USP34: variants seen among roughly 807,000 people sequenced by gnomAD.
USP34 encodes ubiquitin carboxyl-terminal hydrolase 34.
Under a neutral mutation model 460.3 loss-of-function variants are expected in USP34, and 70 were observed. The ratio of observed to expected loss-of-function variants is 0.15; its 90% CI spans 0.13 to 0.19. The LOEUF (loss-of-function observed/expected upper bound fraction) is 0.19. USP34 is among the 10% of genes least tolerant of loss of function. USP34 has a pLI of 1.00. For synonymous variants in USP34, 1,647 were observed against 1,405.3 expected, an observed-to-expected ratio of 1.17 and a Z score of -3.85; for missense variants, 3,985 against 4,236.2, an observed-to-expected ratio of 0.94 and a Z score of 1.65.
intron 51 of USP34, among the ~76,000 whole-genome samples, chr2:61,242,716 C>A (rs537079022): frequency 6.6e-6 from 1 of 152,108 alleles, no homozygotes; most frequent in African/African-American, 2.4e-5. Flanking sequence ...GAGGATTCTA[C>A]TGGTAATGCT....
At chr2:61,255,889 C>A (rs1339085828) in intron 48 of USP34, among the ~76,000 whole-genome samples, 1 of 152,112 alleles carries the variant, frequency 6.6e-6, no homozygotes, top group East Asian at 1.9e-4. Context: ...AATAATGGCC[C>A]CAAAGGGCAA....
chr2:61,332,872 T>C (rs757627597), intron 19 of USP34, among the ~76,000 whole-genome samples: 1 of 151,996 alleles, frequency 6.6e-6, no homozygotes, highest in Non-Finnish European at 1.5e-5. Context: ...AAAGAACAAT[T>C]AGAAGCAAGG....
chr2:61,253,604 A>G (rs1288030634), intron 48 of USP34, among the ~76,000 whole-genome samples: 1 of 152,156 alleles, frequency 6.6e-6, no homozygotes, highest in Non-Finnish European at 1.5e-5. Flanking sequence ...CTCTTAAGCA[A>G]TTTTAGTATC....
At chr2:61,252,584 A>G (rs546124055) in intron 48 of USP34, among the ~76,000 whole-genome samples, 1 of 152,276 alleles carries the variant, frequency 6.6e-6, no homozygotes, top group Admixed American at 6.5e-5. Flanking sequence ...TAAACCAAGA[A>G]CACAGTCAAA....
Position 61,405,833 on chromosome 2 carries a change from A to T in USP34, c.427T>A (p.Ser143Thr), listed in dbSNP as rs953202509. ...NLTEEESSKSSDPFSLWSTDE... is the reference protein window; with the variant it reads ...NLTEEESSKSTDPFSLWSTDE... ...GTACTCCATAAACTAAAAGGATCAG[A>T]ACTCTTTGAAGATTCCTCCTCAGTC... Residue 143 changes from serine (S) to threonine (T), a missense_variant, in exon 3 of 80, where the codon TCT (serine) becomes ACT (threonine). Physicochemically the swap from Ser to Thr is moderately conservative, Grantham distance 58. This residue lies in a region of USP34 where 331 missense variants were observed against 293.7 expected (regional missense o/e 1.13). Transcript: ENST00000398571. 37 of 1,613,752 alleles carry T rather than the reference A, an allele frequency of 2.3e-5. No homozygotes were observed. The highest frequency in any genetic ancestry group is 3.1e-5 in the Non-Finnish European group (36 of 1,179,954).
At chr2:61,209,888 A>T (rs1356222917) in intron 69 of USP34, among the ~76,000 whole-genome samples, 1 of 152,196 alleles carries the variant, frequency 6.6e-6, no homozygotes, top group African/African-American at 2.4e-5. Flanking sequence ...CAACCCTGCT[A>T]GGCCTAGCCT....
chr2:61,198,076 ATAATAT>A (rs1686859929), intron 75 of USP34, among the ~76,000 whole-genome samples: 1 of 152,182 alleles, frequency 6.6e-6, no homozygotes, highest in South Asian at 2.1e-4. Context: ...CCAGTTTTCC[ATAATAT>A]TAAAATAACT....
At position 61,188,660 on chromosome 2, in the gene USP34, C is replaced by G; in HGVS notation, c.10083G>C (p.Glu3361Asp). ...TGATGCAGCTGTCTACAGTGTGCTC[C>G]TCATCACTGCTAACACGCCGCCTTT... is the stretch of plus-strand genomic sequence containing the variant. ...PIKRRRVSSD[E>D]EHTVDSCISD... Residue 3361 changes from glutamate to aspartate, a missense_variant, in exon 80 of 80, where the codon GAG becomes GAC. Glu to Asp is a conservative substitution (Grantham distance 45). Coordinates refer to ENST00000398571, the MANE Select transcript of USP34 (RefSeq NM_014709.4). 1 of 1,614,150 alleles carries G rather than the reference C, an allele frequency of 6.2e-7. No homozygotes were observed. Among genetic ancestry groups the G allele is most frequent in the South Asian group, 1.1e-5 (1 of 91,076 alleles).
intron 8 of USP34, among the ~76,000 whole-genome samples, chr2:61,375,698 G>A (rs757973579): frequency 6.7e-6 from 1 of 148,582 alleles, no homozygotes; most frequent in Non-Finnish European, 1.5e-5. Flanking sequence ...GAATCTGGGA[G>A]GCGGAGCTTG....
chr2:61,376,752 A>G (rs1486501481), intron 8 of USP34, among the ~76,000 whole-genome samples: 1 of 151,992 alleles, frequency 6.6e-6, no homozygotes, highest in African/African-American at 2.4e-5. Context: ...GGTTTAAGTG[A>G]TTCTCGTGCC....
chr2:61,287,533 G>T (rs997691267), intron 34 of USP34, among the ~76,000 whole-genome samples: 4 of 152,184 alleles, frequency 2.6e-5, no homozygotes, highest in African/African-American at 9.7e-5. Context: ...TCCTAAGGCA[G>T]CAAGGCCAAC....
At chr2:61,189,332 G>C (rs567325816) in intron 78 of USP34, 69 of 284,052 alleles carry the variant, frequency 2.4e-4, no homozygotes, top group African/African-American at 1.5e-3. Context: ...GAGTGCAGTG[G>C]TGTAATCTCG....
In USP34 at chr2:61,188,036, A is replaced by T; in HGVS notation, c.*66T>A. 1 of 1,535,866 alleles carries T rather than the reference A, an allele frequency of 6.5e-7. No homozygotes were observed. Among genetic ancestry groups the T allele is most frequent in the Admixed American group, 2.1e-5 (1 of 46,954 alleles). ...ACTGAAGCACAAAAACAAATAAGCA[A>T]AACTTATACAAACAGCATGGGGGTT... On this transcript the variant is annotated 3_prime_UTR_variant, in exon 80 of 80. Transcript: ENST00000398571.
In USP34 at chr2:61,211,733, C is replaced by T. The variant is rs375983154; in HGVS notation, c.8840+39G>A. ...CATCAAAAGGATGGTCCTCATCTCA[C>T]TGGAAATAAACAAGACAAAACTAAA... On this transcript the variant is annotated intron_variant, in intron 69 of 79. Transcript: ENST00000398571. 7 of 1,519,252 alleles carry T rather than the reference C, an allele frequency of 4.6e-6. No homozygotes were observed. In the South Asian group the frequency reaches 9.2e-5, roughly 20 times the overall value. The allele number at this position is 1,519,252 out of a possible 1,614,324, so 94.1% of individuals were successfully genotyped here.
In USP34 at chr2:61,278,188, A is replaced by G. The variant is rs1689430253; in HGVS notation, c.5410T>C (p.Phe1804Leu). ...ACCTGTCCTTCCCTTGAAAATTTAA[A>G]GGGTGGTTTGTGTTTAACAACACTT... Reference protein sequence around the residue: ...ATSVVKHKPPFKFSREGQEFL... With the variant: ...ATSVVKHKPPLKFSREGQEFL... Residue 1804 changes from phenylalanine to leucine, a missense_variant, in exon 41 of 80, where the codon TTT (phenylalanine) becomes CTT (leucine). Coordinates refer to ENST00000398571, the MANE Select transcript of USP34 (RefSeq NM_014709.4). The G allele has an allele frequency of 6.2e-7, 1 of 1,613,186 alleles. No homozygotes were observed. The highest frequency in any genetic ancestry group is 1.3e-5 in the African/African-American group (1 of 74,930).
chr2:61,348,200 C>T lies in USP34; in HGVS notation c.1955G>A (p.Gly652Asp). The T allele has an allele frequency of 6.2e-7, 1 of 1,614,230 alleles. No homozygotes were observed. The highest frequency in any genetic ancestry group is 1.7e-5 in the Admixed American group (1 of 60,028). Residue 652 changes from glycine to aspartate, a missense_variant, in exon 15 of 80, where the codon GGC becomes GAC. Transcript: ENST00000398571. Reference protein sequence around the residue: ...LRNRKLESQAGICLGDSQGMS... With the variant: ...LRNRKLESQADICLGDSQGMS... ...GCCTTGGGAGTCCCCCAGGCAAATG[C>T]CTGCTTGACTCTCTAACTTTCTATT... is the stretch of plus-strand genomic sequence containing the variant.
intron 49 of USP34, among the ~76,000 whole-genome samples, chr2:61,248,081 G>T (rs902828381): frequency 1.1e-4 from 16 of 151,582 alleles, no homozygotes; most frequent in African/African-American, 3.9e-4. Flanking sequence ...CAGCTTCTTG[G>T]GAGGCTGAGG....
chr2:61,435,269 A>G (rs1694779566), intron 1 of USP34, among the ~76,000 whole-genome samples: 1 of 136,644 alleles, frequency 7.3e-6, no homozygotes, highest in African/African-American at 2.7e-5. Flanking sequence ...GCGCCACTGT[A>G]TTCTATCTAG....
chr2:61,191,652 T>A (rs1265371265), intron 76 of USP34, among the ~76,000 whole-genome samples: 1 of 152,012 alleles, frequency 6.6e-6, no homozygotes, highest in Admixed American at 6.6e-5. Flanking sequence ...TTAAGGGAAA[T>A]TTGGGGGCAC....
Sources: gnomAD v4.1 joint callset for allele counts (sites outside exome capture counted in the v4.1 genomes callset) on GRCh38, gnomAD v4.1.1 for gene constraint, gnomAD v4.1.1 regional missense constraint, MANE v1.5 for transcripts, NCBI Gene and HGNC (gene_info 2026-07-23, HGNC 2026-07-21) for gene names.